INKA2: variants seen among roughly 807,000 people sequenced by gnomAD.
The protein encoded by INKA2 is inka box actin regulator 2, also known as PAK4-inhibitor INKA2.
In INKA2, 3 loss-of-function variants were observed where a neutral mutation model predicts 9.8. That is an observed-to-expected ratio of 0.31 (90% CI 0.14 to 0.79). The LOEUF is 0.79. Ranked by LOEUF, INKA2 falls within the 30% of genes least tolerant of loss-of-function variation. The probability of loss-of-function intolerance (pLI) is 0.62; values close to 1 mark genes in which losing one functional copy is unlikely to be tolerated. For synonymous variants in INKA2, 147 were observed against 143.3 expected, an observed-to-expected ratio of 1.03 and a Z score of -0.18; for missense variants, 392 against 384.4, an observed-to-expected ratio of 1.02 and a Z score of -0.17.
intron 1 of INKA2, among the ~76,000 whole-genome samples, chr1:111,735,102 G>T (rs1273187532): frequency 1.3e-5 from 2 of 152,204 alleles, no homozygotes; most frequent in Non-Finnish European, 2.9e-5. Flanking sequence ...GCAATTAAAT[G>T]ACATCATAAA....
At chr1:111,728,332 T>C (rs1396228404) in intron 1 of INKA2, among the ~76,000 whole-genome samples, 1 of 152,222 alleles carries the variant, frequency 6.6e-6, no homozygotes, top group Non-Finnish European at 1.5e-5. Context: ...AAGGACTCTA[T>C]GTGCTTCATC....
chr1:111,742,238 TC>T (rs1663165982), upstream of INKA2, among the ~76,000 whole-genome samples: 1 of 152,200 alleles, frequency 6.6e-6, no homozygotes, highest in Admixed American at 6.5e-5. Flanking sequence ...GGCATCAGTT[TC>T]CCCTGCTTAT....
chr1:111,732,619 C>T (rs574717301), intron 1 of INKA2, among the ~76,000 whole-genome samples: 1 of 148,972 alleles, frequency 6.7e-6, no homozygotes, highest in East Asian at 2.0e-4. Flanking sequence ...CCTGCTCCAC[C>T]ATCAAAGGTA....
intron 1 of INKA2, chr1:111,745,981 G>T (rs1663266545): frequency 6.6e-6 from 1 of 152,256 alleles, no homozygotes; most frequent in Admixed American, 6.5e-5. Context: ...AGGAGAAAAA[G>T]AGGTCACATC....
chr1:111,755,128 CTGCGGAGGCGGATGCATGGAGGCGGA>C (rs770763638), intron 1 of INKA2: 211 of 154,388 alleles, frequency 1.4e-3, no homozygotes, highest in South Asian at 4.6e-3. Context: ...AAGGGAGGTG[CTGCGGAGGCGGATGCATGGAGGCGGA>C]TGCGGAGGCG....
intron 1 of INKA2, among the ~76,000 whole-genome samples, chr1:111,733,702 G>A (rs1662957119): frequency 6.6e-6 from 1 of 152,204 alleles, no homozygotes; most frequent in African/African-American, 2.4e-5. Flanking sequence ...GCTGGCCATG[G>A]ACAGCACCCT....
At chr1:111,728,454 G>A (rs2101358145) in intron 1 of INKA2, among the ~76,000 whole-genome samples, 1 of 152,186 alleles carries the variant, frequency 6.6e-6, no homozygotes, top group East Asian at 1.9e-4. Context: ...CATAGAGCTG[G>A]GACTCAAACA....
chr1:111,739,628 C>G (rs947854470), upstream of INKA2, among the ~76,000 whole-genome samples: 2 of 152,212 alleles, frequency 1.3e-5, no homozygotes, highest in Non-Finnish European at 2.9e-5. Flanking sequence ...CATCGTGACT[C>G]CAGGCTGTAC....
intron 1 of INKA2, among the ~76,000 whole-genome samples, chr1:111,738,389 G>A (rs1663051838): frequency 6.6e-6 from 1 of 151,888 alleles, no homozygotes; most frequent in African/African-American, 2.4e-5. Context: ...CCCGACTTCG[G>A]TGATTTCCAC....
upstream of INKA2, among the ~76,000 whole-genome samples, chr1:111,742,925 G>A (rs1338766062): frequency 1.3e-5 from 2 of 152,234 alleles, no homozygotes; most frequent in African/African-American, 4.8e-5. Context: ...CCAGGAGTGT[G>A]TGTGTGTTGG....
intron 1 of INKA2, chr1:111,745,269 A>T (rs1177553694): frequency 5.5e-5 from 2 of 36,562 alleles, no homozygotes; most frequent in Non-Finnish European, 1.0e-4. Flanking sequence ...GAGATATTAT[A>T]TATATATATA....
At position 111,723,374 on chromosome 1, in the gene INKA2, T is replaced by G; in HGVS notation, c.*3594A>C. 1 of 433,104 alleles carries G rather than the reference T, an allele frequency of 2.3e-6. No homozygotes were observed. The highest frequency in any genetic ancestry group is 4.1e-6 in the Non-Finnish European group (1 of 245,614). 26.8% of individuals were successfully genotyped at this position (433,104 alleles called of 1,614,324 possible). A position where few individuals can be genotyped will look rare whatever the true frequency, so the allele number is the denominator to read the frequency against. ...GTCTGAGGGAGAGGGAAAAGAGAGG[T>G]CCCAAGTCTGAAAGGTTGGGAAGAG... On this transcript the variant is annotated 3_prime_UTR_variant, in exon 2 of 2. Coordinates refer to ENST00000357260, the MANE Select transcript of INKA2 (RefSeq NM_019099.5).
At chr1:111,740,738 C>CTTA (rs1663126689), upstream of INKA2, among the ~76,000 whole-genome samples, 1 of 151,938 alleles carries the variant, frequency 6.6e-6, no homozygotes, top group Non-Finnish European at 1.5e-5. Flanking sequence ...TTTGAGAGGC[C>CTTA]GAGACGGGTG....
chr1:111,735,943 A>C (rs1662998827), intron 1 of INKA2, among the ~76,000 whole-genome samples: 1 of 152,132 alleles, frequency 6.6e-6, no homozygotes, highest in African/African-American at 2.4e-5. Flanking sequence ...CTGATCACTC[A>C]GCCTTTACGC....
chr1:111,724,565 GCACACACACA>G lies in INKA2; in HGVS notation c.*2393_*2402del, dbSNP rs71714685. On this transcript the variant is annotated 3_prime_UTR_variant, in exon 2 of 2. Coordinates refer to ENST00000357260, the MANE Select transcript of INKA2 (RefSeq NM_019099.5). ...ACATGCAGTTTCTTAGCACGCGCAG[GCACACACACA>G]CACACACACACACACACACACACAC... The G allele has an allele frequency of 7.4e-3, 1,067 of 144,536 alleles. 13 individuals are homozygous for G. Among genetic ancestry groups the G allele is most frequent in the African/African-American group, 0.026 (1,005 of 39,350 alleles). The allele number at this position is 144,536 out of a possible 1,614,324, so 9.0% of individuals were successfully genotyped here.
At position 111,725,943 on chromosome 1, in the gene INKA2, G is replaced by GTGAA. The variant is rs999002722; in HGVS notation, c.*1024_*1025insTTCA. The GTGAA allele has an allele frequency of 7.7e-6, 3 of 387,544 alleles. No homozygotes were observed. Among genetic ancestry groups the GTGAA allele is most frequent in the African/African-American group, 4.1e-5 (2 of 48,246 alleles). 24.0% of individuals were successfully genotyped at this position (387,544 alleles called of 1,614,324 possible). On this transcript the variant is annotated 3_prime_UTR_variant, in exon 2 of 2. Transcript: ENST00000357260. ...GTAGAGACGGGGTTTCACCATGTTG[G>GTGAA]CCAGGCTGGTCATGAACTCCTGACC... is the stretch of plus-strand genomic sequence containing the variant.
At chr1:111,749,070 G>C (rs951911989) in intron 1 of INKA2, among the ~76,000 whole-genome samples, 33 of 152,368 alleles carry the variant, frequency 2.2e-4, no homozygotes, top group African/African-American at 7.9e-4. Flanking sequence ...CCTTGCAAAG[G>C]CTCAAGGCTG....
chr1:111,732,576 C>G lies in INKA2; in HGVS notation c.58-4772G>C, dbSNP rs944441243. ...CTAGTCTCTCTCTCTGTTACACACACACACACACACACACACACACACACA... is the reference window on the plus strand; with the variant it reads ...CTAGTCTCTCTCTCTGTTACACACAGACACACACACACACACACACACACA... On this transcript the variant is annotated intron_variant, in intron 1 of 1. Coordinates refer to ENST00000357260, the MANE Select transcript of INKA2 (RefSeq NM_019099.5). 2.0e-5 allele frequency among the ~76,000 whole-genome samples: 3 copies of G among 151,602 alleles called. No homozygotes were observed. In the South Asian group the frequency reaches 6.3e-4, roughly 32 times the overall value.
At chr1:111,740,381 C>A (rs74353821), upstream of INKA2, among the ~76,000 whole-genome samples, 1,687 of 152,238 alleles carry the variant, frequency 0.011, 28 homozygotes, top group African/African-American at 0.039. Context: ...CTCCGCAGAC[C>A]GGTGGGGGGT....
Sources: allele counts gnomAD v4.1 joint callset (sites outside exome capture counted in the v4.1 genomes callset), GRCh38; gene constraint gnomAD v4.1.1; transcripts MANE v1.5; gene names NCBI Gene and HGNC (gene_info 2026-07-23, HGNC 2026-07-21).